The following CDK14 variants were observed in gnomAD, a reference collection of about 807,000 sequenced individuals.
CDK14 encodes the protein cyclin dependent kinase 14.
A neutral mutation model predicts 60.7 loss-of-function variants in CDK14; 34 were observed. The ratio of observed to expected loss-of-function variants is 0.56; its 90% CI spans 0.43 to 0.75. The LOEUF (loss-of-function observed/expected upper bound fraction) is 0.75, where lower values mean the gene tolerates loss of function less well. Among genes scored for constraint, CDK14 ranks in the 30% least tolerant of loss-of-function variants. The pLI, the probability that CDK14 is intolerant of heterozygous loss-of-function variation, is 0.00. For synonymous variants in CDK14, 197 were observed against 203.7 expected, an observed-to-expected ratio of 0.97 and a Z score of 0.28; for missense variants, 482 against 564.1, an observed-to-expected ratio of 0.85 and a Z score of 1.47.
chr7:90,691,276 T>C (rs1396003581), intron 2 of CDK14, among the ~76,000 whole-genome samples: 1 of 150,514 alleles, frequency 6.6e-6, no homozygotes, highest in East Asian at 2.0e-4. Context: ...ACAGGTAAAA[T>C]TTGTTTGTAT....
chr7:90,961,880 A>G (rs1357914418), intron 9 of CDK14, among the ~76,000 whole-genome samples: 2 of 152,238 alleles, frequency 1.3e-5, no homozygotes, highest in African/African-American at 4.8e-5. Context: ...CTGCCAGGAT[A>G]ATAGGTGTAA....
chr7:90,910,777 T>A lies in CDK14; in HGVS notation c.703-6824T>A, dbSNP rs543800118. ...CCAATTCACTTAATTCCTCTTTTTT[T>A]AAAAAACTTTTAAGTTCAGGGGTAC... On this transcript the variant is annotated intron_variant, in intron 7 of 14. Transcript: ENST00000380050. Among the ~76,000 whole-genome samples the A allele has an allele frequency of 2.0e-3, 298 of 152,252 alleles. 1 individual carries two copies. Among genetic ancestry groups the A allele is most frequent in the Middle Eastern group, 6.8e-3 (2 of 294 alleles).
intron 12 of CDK14, among the ~76,000 whole-genome samples, chr7:91,086,660 GGTGT>G (rs149008629): frequency 3.3e-5 from 5 of 149,288 alleles, no homozygotes; most frequent in African/African-American, 7.4e-5. Flanking sequence ...GGCCCCTGTG[GGTGT>G]GTGTGTGTGT....
chr7:90,831,164 C>T (rs918457380), intron 5 of CDK14, among the ~76,000 whole-genome samples: 2 of 152,146 alleles, frequency 1.3e-5, no homozygotes, highest in African/African-American at 4.8e-5. Flanking sequence ...AGTTCATTTT[C>T]ACACTGCTAT....
At chr7:90,855,369 T>G (rs1032325920) in intron 5 of CDK14, among the ~76,000 whole-genome samples, 7 of 152,208 alleles carry the variant, frequency 4.6e-5, no homozygotes, top group Non-Finnish European at 1.0e-4. Context: ...TATAAACACC[T>G]GTATGCTTTT....
chr7:91,124,539 C>G (rs1327587596), intron 14 of CDK14, among the ~76,000 whole-genome samples: 1 of 150,794 alleles, frequency 6.6e-6, no homozygotes, highest in East Asian at 1.9e-4. Context: ...TTTTAAAAAG[C>G]AAAGTGGCTG....
intron 7 of CDK14, among the ~76,000 whole-genome samples, chr7:90,913,848 A>T (rs1290525717): frequency 6.6e-6 from 1 of 152,146 alleles, no homozygotes; most frequent in Admixed American, 6.5e-5. Context: ...GAACAACTTC[A>T]TCCTGTGCTT....
intron 4 of CDK14, among the ~76,000 whole-genome samples, chr7:90,776,314 A>G (rs903505798): frequency 6.6e-6 from 1 of 152,144 alleles, no homozygotes; most frequent in Non-Finnish European, 1.5e-5. Context: ...GGCTGTATGC[A>G]TGTTATTTCT....
At chr7:91,191,146 T>C (rs1267388770) in intron 14 of CDK14, among the ~76,000 whole-genome samples, 2 of 152,180 alleles carry the variant, frequency 1.3e-5, no homozygotes, top group African/African-American at 4.8e-5. Flanking sequence ...ATATGGCTTC[T>C]AGTGTCTGGT....
rs2117100927 is a variant in CDK14, at chr7:90,828,399, T to C, written c.545-34776T>C. Among the ~76,000 whole-genome samples, 2 of 152,332 alleles carry C rather than the reference T, an allele frequency of 1.3e-5. 1 individual carries two copies. The highest frequency in any genetic ancestry group is 6.8e-3 in the Middle Eastern group (2 of 294). On this transcript the variant is annotated intron_variant, in intron 5 of 14. Transcript: ENST00000380050. ...CTAAGTCTCTACCTTGAAGTAATTA[T>C]TTTTCTACCTTGAAGTAATTATTTT...
chr7:90,675,259 C>T (rs141978413), intron 2 of CDK14, among the ~76,000 whole-genome samples: 1 of 152,144 alleles, frequency 6.6e-6, no homozygotes, highest in East Asian at 1.9e-4. Context: ...TATTTTTGTG[C>T]CACAGCTGCT....
At chr7:90,768,524 C>T (rs972352339) in intron 4 of CDK14, among the ~76,000 whole-genome samples, 9 of 152,168 alleles carry the variant, frequency 5.9e-5, no homozygotes, top group Non-Finnish European at 1.2e-4. Context: ...AAAAGTTGGG[C>T]GTCTCAGTTT....
chr7:90,711,987 G>A (rs1410524111), intron 2 of CDK14, among the ~76,000 whole-genome samples: 3 of 148,990 alleles, frequency 2.0e-5, no homozygotes, highest in Non-Finnish European at 4.4e-5. Context: ...GCCTTCCAAA[G>A]TACTGGGATT....
At chr7:90,633,143 T>C (rs907069857) in intron 2 of CDK14, among the ~76,000 whole-genome samples, 4 of 151,924 alleles carry the variant, frequency 2.6e-5, no homozygotes, top group Non-Finnish European at 4.4e-5. Flanking sequence ...ATGCACATAG[T>C]CATATAATAT....
intron 2 of CDK14, among the ~76,000 whole-genome samples, chr7:90,666,909 C>G (rs1030197360): frequency 2.0e-5 from 3 of 152,194 alleles, no homozygotes; most frequent in Admixed American, 6.5e-5. Flanking sequence ...TGAAAATTTT[C>G]AAACACATGC....
intron 2 of CDK14, among the ~76,000 whole-genome samples, chr7:90,681,594 CAATT>C (rs2116561623): frequency 6.6e-6 from 1 of 152,200 alleles, no homozygotes; most frequent in South Asian, 2.1e-4. Context: ...AATAATATAA[CAATT>C]AACTGATAAA....
intron 4 of CDK14, among the ~76,000 whole-genome samples, chr7:90,756,773 T>G (rs569635202): frequency 6.6e-6 from 1 of 152,344 alleles, no homozygotes; most frequent in East Asian, 1.9e-4. Flanking sequence ...CTCATAAATG[T>G]CTGCATCCCA....
intron 10 of CDK14, among the ~76,000 whole-genome samples, chr7:91,032,772 C>G (rs2115947029): frequency 1.3e-5 from 2 of 152,326 alleles, no homozygotes; most frequent in Middle Eastern, 3.4e-3. Flanking sequence ...GAGCACATTT[C>G]TCGTTTTAAG....
intron 5 of CDK14, among the ~76,000 whole-genome samples, chr7:90,842,361 C>T (rs748966805): frequency 8.5e-5 from 13 of 152,056 alleles, no homozygotes; most frequent in Non-Finnish European, 1.5e-4. Context: ...TGAAATAAGA[C>T]AGCTTAAAGT....
Sources: gnomAD v4.1 joint callset for allele counts (sites outside exome capture counted in the v4.1 genomes callset) on GRCh38, gnomAD v4.1.1 for gene constraint, MANE v1.5 for transcripts, NCBI Gene and HGNC (gene_info 2026-07-23, HGNC 2026-07-21) for gene names.